Variants in MOB2 observed in about 807,000 individuals in gnomAD.
MOB2 encodes MOB kinase activator 2, also known as MOB2 Mps One Binder homolog.
In MOB2, 14 loss-of-function variants were observed where a neutral mutation model predicts 27.4. The observed-to-expected ratio is 0.51, with a 90% CI of 0.34 to 0.80. The LOEUF is 0.80. MOB2 is among the 30% of genes least tolerant of loss of function. MOB2 has a pLI of 0.01. For missense variants in MOB2, 304 were observed against 354.6 expected (o/e 0.86, Z 1.15); for synonymous variants, 167 against 151.8 (o/e 1.10, Z -0.74).
At chr11:1,476,727 T>G (rs1847856452) in intron 3 of MOB2, among the ~76,000 whole-genome samples, 1 of 152,238 alleles carries the variant, frequency 6.6e-6, no homozygotes, top group Non-Finnish European at 1.5e-5. Flanking sequence ...AAGAAAGCAT[T>G]AATCCTATAA....
At chr11:1,483,100 C>G (rs1847933058) in intron 1 of MOB2, among the ~76,000 whole-genome samples, 1 of 152,250 alleles carries the variant, frequency 6.6e-6, no homozygotes, top group Admixed American at 6.5e-5. Context: ...GCGGCGCCCC[C>G]CGCAGGCTCA....
In MOB2 at chr11:1,486,600, C is replaced by A; in HGVS notation, c.-44G>T. 1 of 1,396,870 alleles carries A rather than the reference C, an allele frequency of 7.2e-7. No individual in the cohort carries two copies. 86.5% of individuals were successfully genotyped at this position (1,396,870 alleles called of 1,614,324 possible). On this transcript the variant is annotated 5_prime_UTR_variant, in exon 1 of 5. Transcript: ENST00000329957. The stretch of plus-strand genomic sequence containing the variant: ...TGGGGAGGAGAAGCGGGGCGGGGTG[C>A]CGGCTGGCCAGCACTCGCAAATGCC...
intron 1 of MOB2, among the ~76,000 whole-genome samples, chr11:1,485,940 T>C (rs1333438654): frequency 6.6e-6 from 1 of 152,226 alleles, no homozygotes. Context: ...GGGAACCCCA[T>C]GCCACTTCTC....
rs536764249 is a variant in MOB2 at position 1,482,282 on chromosome 11, G to A, written c.111-1397C>T. ...TGGCAGTTACCTGGTGGTCGGTCAC[G>A]CAGGGCTGCCAGCAGGAGCAGCTGT... On this transcript the variant is annotated intron_variant, in intron 1 of 4. Transcript: ENST00000329957. Among the ~76,000 whole-genome samples the A allele has an allele frequency of 1.7e-3, 256 of 152,356 alleles. 2 individuals are homozygous for A. Among genetic ancestry groups the A allele is most frequent in the Non-Finnish European group, 5.9e-4 (40 of 68,016 alleles).
At chr11:1,480,944 C>G in intron 1 of MOB2, 59 bp from the exon 2 acceptor site, 1 of 1,533,564 alleles carries the variant, frequency 6.5e-7, no homozygotes, top group South Asian at 1.2e-5. Context: ...AGGGTCTGCC[C>G]GGGGGGTCAG....
chr11:1,482,509 C>T (rs887235264), intron 1 of MOB2, among the ~76,000 whole-genome samples: 2 of 152,218 alleles, frequency 1.3e-5, no homozygotes, highest in Non-Finnish European at 2.9e-5. Context: ...TGAGCAGCCG[C>T]CACTCCGGCA....
intron 1 of MOB2, among the ~76,000 whole-genome samples, chr11:1,485,120 A>C (rs997542164): frequency 6.6e-6 from 1 of 152,148 alleles, no homozygotes; most frequent in Non-Finnish European, 1.5e-5. Flanking sequence ...CCCTCCATGC[A>C]TCCAGCTCCC....
At position 1,480,846 on chromosome 11, in the gene MOB2, C is replaced by G. The variant is rs562296676; in HGVS notation, c.150G>C (p.Ala50=). 6 of 1,569,358 alleles carry G rather than the reference C, an allele frequency of 3.8e-6. No individual in the cohort carries two copies. Among genetic ancestry groups the G allele is most frequent in the African/African-American group, 2.7e-5 (2 of 73,826 alleles). ...GCTCCAGGTAGGCCTTCCTCTCCTCCGCAGCGGGCTTCTTGCCATTAGGCT... is the reference window on the plus strand; with the variant it reads ...GCTCCAGGTAGGCCTTCCTCTCCTCGGCAGCGGGCTTCTTGCCATTAGGCT... The part of the protein sequence containing the change: ...KAKPNGKKPA[A]EERKAYLEPE... The change falls in exon 2 of 5, where the codon GCG becomes GCC. Residue 50 remains alanine (A), a synonymous_variant. Transcript: ENST00000329957.
intron 1 of MOB2, among the ~76,000 whole-genome samples, chr11:1,483,578 C>T (rs904863707): frequency 1.3e-5 from 2 of 152,254 alleles, no homozygotes; most frequent in Non-Finnish European, 1.5e-5. Context: ...CCTCACCTCC[C>T]TCCTCCCTGC....
At chr11:1,477,089 C>T (rs116373571) in intron 3 of MOB2, among the ~76,000 whole-genome samples, 2,273 of 152,230 alleles carry the variant, frequency 0.015, 54 homozygotes, top group African/African-American at 0.049. Context: ...ATCCAACCCA[C>T]GGGTGGGGTC....
intron 1 of MOB2, among the ~76,000 whole-genome samples, chr11:1,484,271 C>A (rs551760124): frequency 1.3e-5 from 2 of 152,158 alleles, no homozygotes; most frequent in Non-Finnish European, 2.9e-5. Context: ...GGGGCAGGCA[C>A]GAGGGGCCCA....
In MOB2 at chr11:1,480,415, G is replaced by C. The variant is rs751841662; in HGVS notation, c.343C>G (p.Gln115Glu). 4.3e-6 allele frequency: 7 copies of C among 1,613,730 alleles called. No homozygotes were observed. The highest frequency in any genetic ancestry group is 5.9e-6 in the Non-Finnish European group (7 of 1,179,836). Residue 115 changes from glutamine to glutamate, a missense_variant, in exon 3 of 5, where the codon CAG becomes GAG. Transcript: ENST00000329957. ...CACGTGTTGCACACGGCCATCGTCT[G>C]ACACGTCTCTCCTGTGCAGAACTCG... The part of the protein sequence containing the change: ...ISEFCTGETC[Q>E]TMAVCNTQYY...
chr11:1,478,685 C>T (rs1354347377), intron 3 of MOB2, among the ~76,000 whole-genome samples: 1 of 152,174 alleles, frequency 6.6e-6, no homozygotes, highest in Admixed American at 6.5e-5. Flanking sequence ...GTTTGCTTAG[C>T]TTCTTAAGTC....
intron 3 of MOB2, among the ~76,000 whole-genome samples, chr11:1,478,599 C>G (rs1446059649): frequency 6.6e-6 from 1 of 152,152 alleles, no homozygotes; most frequent in Non-Finnish European, 1.5e-5. Flanking sequence ...GGATGGCTGC[C>G]AAGGGCTTTT....
In MOB2 at chr11:1,470,132, G is replaced by A. The variant is rs771569728; in HGVS notation, c.*40C>T. On this transcript the variant is annotated 3_prime_UTR_variant, in exon 5 of 5. Coordinates refer to ENST00000329957, the MANE Select transcript of MOB2 (RefSeq NM_001172223.3). Reference sequence around the variant, plus strand: ...GATGCAGGAGAGAACACACACCACCGTCTCTTTGCACACGTGTGCCCCTGT... The same window carrying A: ...GATGCAGGAGAGAACACACACCACCATCTCTTTGCACACGTGTGCCCCTGT... 9.0e-6 allele frequency: 14 copies of A among 1,556,926 alleles called. No homozygotes were observed. Among genetic ancestry groups the A allele is most frequent in the Middle Eastern group, 1.7e-4 (1 of 6,016 alleles).
intron 1 of MOB2, among the ~76,000 whole-genome samples, chr11:1,482,671 G>A (rs1448447876): frequency 6.6e-6 from 1 of 152,194 alleles, no homozygotes; most frequent in Non-Finnish European, 1.5e-5. Flanking sequence ...CCGGGCCCCG[G>A]AGCTTAGTGC....
chr11:1,473,649 C>T (rs1380167674), intron 3 of MOB2, among the ~76,000 whole-genome samples: 2 of 152,222 alleles, frequency 1.3e-5, no homozygotes, highest in Non-Finnish European at 2.9e-5. Flanking sequence ...CCAGAGAAAG[C>T]AGTAACTCAG....
chr11:1,473,224 CCT>C (rs2133359149), intron 3 of MOB2: 1 of 152,482 alleles, frequency 6.6e-6, no homozygotes, highest in East Asian at 1.9e-4. Context: ...CCCACACCTG[CCT>C]CTCAGGTGCT....
At chr11:1,481,122 C>A in intron 1 of MOB2, 1 of 651,594 alleles carries the variant, frequency 1.5e-6, no homozygotes. Context: ...GCTGGCGCTC[C>A]CACTTGCCAC....
Sources: gnomAD v4.1 joint callset for allele counts (sites outside exome capture counted in the v4.1 genomes callset) on GRCh38, gnomAD v4.1.1 for gene constraint, MANE v1.5 for transcripts, NCBI Gene and HGNC (gene_info 2026-07-23, HGNC 2026-07-21) for gene names.